Variants in MEFV observed in about 807,000 individuals in gnomAD.
The protein encoded by MEFV is MEFV innate immunity regulator, pyrin.
A neutral mutation model predicts 62.5 loss-of-function variants in MEFV; 60 were observed. The ratio of observed to expected loss-of-function variants is 0.96; its 90% confidence interval spans 0.78 to 1.19. The LOEUF is 1.19. Among genes scored for constraint, MEFV ranks in the 50% most tolerant of loss-of-function variants. The pLI is 0.00. For missense variants in MEFV, 1,169 were observed against 1,004.5 expected, an observed-to-expected ratio of 1.16 and a Z score of -2.21; for synonymous variants, 500 against 415.2, an observed-to-expected ratio of 1.20 and a Z score of -2.48.
intron 2 of MEFV, among the ~76,000 whole-genome samples, chr16:3,250,571 C>A (rs550369518): frequency 6.7e-6 from 1 of 149,900 alleles, no homozygotes; most frequent in Non-Finnish European, 1.5e-5. Context: ...CCAGCCTGGG[C>A]AACAGAGTAA....
chr16:3,251,585 T>G (rs549909599), intron 2 of MEFV, among the ~76,000 whole-genome samples: 3 of 152,342 alleles, frequency 2.0e-5, no homozygotes, highest in African/African-American at 7.2e-5. Flanking sequence ...CAACCAAACA[T>G]AATTTTAATG....
rs1236567698 is a variant in MEFV at position 3,256,615 on chromosome 16, G to C, written c.-28C>G. 1 of 1,613,984 alleles carries C rather than the reference G, an allele frequency of 6.2e-7. No individual in the cohort carries two copies. Among genetic ancestry groups the C allele is most frequent in the Non-Finnish European group, 8.5e-7 (1 of 1,180,034 alleles). ...TGCTGAGCAGGAGAGGCTCGAGCCA[G>C]CTGTCTGGCTTCTGGTAGGAAAAGA... On this transcript the variant is annotated 5_prime_UTR_variant, in exon 1 of 10. Transcript: ENST00000219596.
intron 4 of MEFV, 64 bp downstream of exon 4, chr16:3,248,845 C>T (rs1958985136): frequency 1.2e-6 from 2 of 1,610,628 alleles, no homozygotes; most frequent in African/African-American, 1.3e-5. Context: ...TCTCGGGGAC[C>T]CCTGCTCACT....
intron 2 of MEFV, among the ~76,000 whole-genome samples, chr16:3,250,513 ACAGGAGGATTGCTTGAACC>A (rs2075742737): frequency 6.6e-6 from 1 of 151,098 alleles, no homozygotes; most frequent in Non-Finnish European, 1.5e-5. Context: ...GGAGGCTGAG[ACAGGAGGATTGCTTGAACC>A]TAGGAGGTTG....
At chr16:3,255,522 T>C (rs1212538582) in intron 1 of MEFV, among the ~76,000 whole-genome samples, 2 of 152,034 alleles carry the variant, frequency 1.3e-5, no homozygotes, top group African/African-American at 2.4e-5. Context: ...GCCTGTTTTC[T>C]GTTTTTTCAA....
intron 6 of MEFV, 32 bp from the exon 7 acceptor site, chr16:3,244,620 C>G: frequency 6.4e-7 from 1 of 1,568,046 alleles, no homozygotes; most frequent in Non-Finnish European, 8.8e-7. Context: ...CCAGAGAAGG[C>G]CGGAGCGAGG....
In MEFV at chr16:3,253,690, T is replaced by C. The variant is rs917662713; in HGVS notation, c.910+468A>G. Among the ~76,000 whole-genome samples the C allele has an allele frequency of 2.6e-5, 4 of 151,866 alleles. No homozygotes were observed. The South Asian group carries it at 8.3e-4, about 32-fold the overall frequency. On this transcript the variant is annotated intron_variant, in intron 2 of 9. Transcript: ENST00000219596. ...CACCATACCCAGCTAATTTTTTTTT[T>C]AGTTTTGTAGAAGTGGAGTCTGGCT...
rs923516953 is a variant in MEFV at position 3,254,502 on chromosome 16, C to A, written c.566G>T (p.Gly189Val). Residue 189 changes from glycine to valine, a missense_variant, in exon 2 of 10, where the codon GGC becomes GTC. Coordinates refer to ENST00000219596, the MANE Select transcript of MEFV (RefSeq NM_000243.3). ...GCCCCCCTCTAGCGCCCTGCAGGGG[C>A]CGGGGCTTCTCCCGCCCGGCAGGGC... ...SPALPGGRSP[G>V]PCRALEGGQA... The A allele has an allele frequency of 1.7e-5, 26 of 1,571,730 alleles. No individual in the cohort carries two copies. The highest frequency in any genetic ancestry group is 2.2e-5 in the Non-Finnish European group (25 of 1,162,176).
chr16:3,244,958 A>G (rs1390042121), intron 6 of MEFV, among the ~76,000 whole-genome samples: 5 of 152,194 alleles, frequency 3.3e-5, no homozygotes, highest in African/African-American at 7.2e-5. Context: ...ATCCCTTCAC[A>G]TCCATTAGAA....
In MEFV at chr16:3,254,667, G is replaced by A. The variant is rs377250147; in HGVS notation, c.401C>T (p.Pro134Leu). The A allele has an allele frequency of 2.5e-6, 4 of 1,611,014 alleles. No homozygotes were observed. The highest frequency in any genetic ancestry group is 2.2e-5 in the South Asian group (2 of 91,080). The change falls in exon 2 of 10, where the codon CCG becomes CTG. Residue 134 changes from proline to leucine, a missense_variant. Physicochemically the swap from Pro to Leu is moderately conservative, Grantham distance 98. Transcript: ENST00000219596. ...CAGGCTGGCAGCTCCGCCCCCGTAC[G>A]GCCGAGGGCCGTTCCCCTCGTTCCC... The part of the protein sequence containing the change: ...PEGNEGNGPR[P>L]YGGGAASLRC...
intron 4 of MEFV, chr16:3,248,571 C>T (rs543652113): frequency 2.2e-5 from 9 of 402,976 alleles, no homozygotes; most frequent in South Asian, 2.2e-4. Context: ...ACCTGGGTGA[C>T]AGAGCGAGAC....
In MEFV at chr16:3,242,139, C is replaced by T; in HGVS notation, c.*1002G>A. ...GCACTTTGGGAGGCTGAGGTGGGTG[C>T]ATCACCTGAGGTCAGGAGTTTGAGA... On this transcript the variant is annotated 3_prime_UTR_variant, in exon 10 of 10. Transcript: ENST00000219596. 5.7e-6 allele frequency: 1 copy of T among 174,772 alleles called. No individual in the cohort carries two copies. Among genetic ancestry groups the T allele is most frequent in the South Asian group, 6.3e-5 (1 of 15,828 alleles). The allele number at this position is 174,772 out of a possible 1,614,324, so 10.8% of individuals were successfully genotyped here.
In MEFV at chr16:3,243,086, G is replaced by T; in HGVS notation, c.*55C>A. On this transcript the variant is annotated 3_prime_UTR_variant, in exon 10 of 10. Coordinates refer to ENST00000219596, the MANE Select transcript of MEFV (RefSeq NM_000243.3). The stretch of plus-strand genomic sequence containing the variant: ...CTAGTCGGCATTCCGTGACTATTGA[G>T]TGTGAATGCAAGATACAAGGCCAGA... The T allele has an allele frequency of 6.3e-7, 1 of 1,575,068 alleles. No homozygotes were observed. The highest frequency in any genetic ancestry group is 8.7e-7 in the Non-Finnish European group (1 of 1,146,608).
At position 3,254,318 on chromosome 16, in the gene MEFV, C is replaced by T. The variant is rs1959081145; in HGVS notation, c.750G>A (p.Gly250=). Residue 250 remains glycine (G), a synonymous_variant, in exon 2 of 10, where the codon GGG becomes GGA. Transcript: ENST00000219596. ...TTTCTGGATTTGCGGGCGCCTTCTCCCCTGTAGAAATGGTGACCTCAAGGC... is the reference window on the plus strand; with the variant it reads ...TTTCTGGATTTGCGGGCGCCTTCTCTCCTGTAGAAATGGTGACCTCAAGGC... ...PRSLEVTIST[G]EKAPANPEIL... is the part of the protein sequence containing the mutation. The T allele has an allele frequency of 6.2e-7, 1 of 1,614,240 alleles. No individual in the cohort carries two copies. Among genetic ancestry groups the T allele is most frequent in the Non-Finnish European group, 8.5e-7 (1 of 1,180,046 alleles).
Position 3,242,685 on chromosome 16 carries a change from A to G in MEFV, c.*456T>C, listed in dbSNP as rs899962733. 5 of 221,552 alleles carry G rather than the reference A, an allele frequency of 2.3e-5. 1 individual carries two copies. The highest frequency in any genetic ancestry group is 1.1e-4 in the South Asian group (2 of 18,336). The allele number at this position is 221,552 out of a possible 1,614,324, so 13.7% of individuals were successfully genotyped here. ...AAGATTTGGTCTCAAAAAAAAAAAA[A>G]AAAAATCATAGTTCATTAATCCAGG... On this transcript the variant is annotated 3_prime_UTR_variant, in exon 10 of 10. Coordinates refer to ENST00000219596, the MANE Select transcript of MEFV (RefSeq NM_000243.3).
chr16:3,255,145 C>T (rs1322474054), intron 1 of MEFV, among the ~76,000 whole-genome samples: 1 of 152,044 alleles, frequency 6.6e-6, no homozygotes, highest in Non-Finnish European at 1.5e-5. Context: ...GGCAAAACCC[C>T]GTTCCTACTA....
chr16:3,246,246 C>T (rs1958940982), intron 6 of MEFV, among the ~76,000 whole-genome samples: 1 of 152,168 alleles, frequency 6.6e-6, no homozygotes, highest in African/African-American at 2.4e-5. Flanking sequence ...ACAATGCACT[C>T]GGAAGGTTTC....
chr16:3,246,632 C>T (rs1958947554), intron 5 of MEFV, 85 bp from the exon 6 acceptor site: 1 of 1,459,366 alleles, frequency 6.9e-7, no homozygotes, highest in South Asian at 1.1e-5. Flanking sequence ...GGCTCCTGGA[C>T]TTTTAGCTCC....
At chr16:3,249,084 C>T in intron 3 of MEFV, 80 bp from the exon 4 acceptor site, 2 of 1,390,436 alleles carry the variant, frequency 1.4e-6, no homozygotes, top group Non-Finnish European at 1.0e-6. Flanking sequence ...AGGGGAACAT[C>T]TCCTTCTGGT....
Sources: allele counts gnomAD v4.1 joint callset (sites outside exome capture counted in the v4.1 genomes callset), GRCh38; gene constraint gnomAD v4.1.1; transcripts MANE v1.5; gene names NCBI Gene and HGNC (gene_info 2026-07-23, HGNC 2026-07-21).